The following CSMD1 variants were observed in gnomAD, a reference collection of about 807,000 sequenced individuals.
CSMD1 encodes CUB and sushi domain-containing protein 1.
In CSMD1, 213 loss-of-function variants were observed where a neutral mutation model predicts 417.5. The ratio of observed to expected loss-of-function variants is 0.51; its 90% CI spans 0.46 to 0.57. CSMD1 has a LOEUF of 0.57. CSMD1 is among the 20% of genes least tolerant of loss of function. The pLI, the probability that CSMD1 is intolerant of heterozygous loss-of-function variation, is 0.00. For synonymous variants in CSMD1, 2,862 were observed against 1,736.8 expected, an observed-to-expected ratio of 1.65 and a Z score of -16.11; for missense variants, 6,923 against 4,529.7, an observed-to-expected ratio of 1.53 and a Z score of -15.17.
chr8:4,832,184 G>A (rs1800193880), intron 1 of CSMD1, among the ~76,000 whole-genome samples: 1 of 152,190 alleles, frequency 6.6e-6, no homozygotes, highest in Non-Finnish European at 1.5e-5. Flanking sequence ...AAACATGCAT[G>A]GAACGCCCTG....
chr8:3,498,661 C>G (rs1253310108), intron 10 of CSMD1, among the ~76,000 whole-genome samples: 1 of 152,160 alleles, frequency 6.6e-6, no homozygotes, highest in Non-Finnish European at 1.5e-5. Context: ...GCATTTTGTT[C>G]CACACATTTT....
chr8:4,052,447 G>T (rs957847854), intron 3 of CSMD1, among the ~76,000 whole-genome samples: 5 of 152,176 alleles, frequency 3.3e-5, no homozygotes, highest in Admixed American at 6.5e-5. Context: ...AGTGAGGGGT[G>T]ATTTTGCCCA....
At chr8:3,593,192 C>A (rs906427190) in intron 8 of CSMD1, among the ~76,000 whole-genome samples, 11 of 152,186 alleles carry the variant, frequency 7.2e-5, no homozygotes, top group African/African-American at 2.7e-4. Flanking sequence ...CATGTTTCCC[C>A]ACCATACTTG....
intron 2 of CSMD1, among the ~76,000 whole-genome samples, chr8:4,484,083 A>T (rs1310047338): frequency 6.6e-6 from 1 of 152,018 alleles, no homozygotes; most frequent in Non-Finnish European, 1.5e-5. Flanking sequence ...TCAAAATGAA[A>T]GGGTGTCTGT....
At chr8:3,856,218 A>C (rs7010311) in intron 5 of CSMD1, among the ~76,000 whole-genome samples, 65,179 of 151,708 alleles carry the variant, frequency 0.43, 16,954 homozygotes, top group African/African-American at 0.73. Flanking sequence ...GTTCTCATAA[A>C]AGCTGTTTGT....
At chr8:2,954,318 A>T in intron 64 of CSMD1, 50 bp from the exon 65 acceptor site, 1 of 1,174,054 alleles carries the variant, frequency 8.5e-7, no homozygotes, top group Non-Finnish European at 1.2e-6. Flanking sequence ...TTTATTTTTG[A>T]GTAAGTTTGA....
At chr8:3,980,774 A>T (rs1273856837) in intron 5 of CSMD1, among the ~76,000 whole-genome samples, 1 of 152,196 alleles carries the variant, frequency 6.6e-6, no homozygotes, top group Non-Finnish European at 1.5e-5. Context: ...TGCAGGCGAC[A>T]TTCTCACTTA....
chr8:4,319,814 A>G (rs916187278), intron 3 of CSMD1, among the ~76,000 whole-genome samples: 1 of 152,160 alleles, frequency 6.6e-6, no homozygotes, highest in African/African-American at 2.4e-5. Flanking sequence ...AGATGTGTAG[A>G]GGACCCTCGG....
At position 4,797,265 on chromosome 8, in the gene CSMD1, A is replaced by C. The variant is rs568239184; in HGVS notation, c.86-159707T>G. On this transcript the variant is annotated intron_variant, in intron 1 of 69. Transcript: ENST00000635120. Reference sequence around the variant, plus strand: ...TCCTTTACTATGCATGGTGAGTTTTAACTGTTTTGAAAACTATGTTTTAAA... The same window carrying C: ...TCCTTTACTATGCATGGTGAGTTTTCACTGTTTTGAAAACTATGTTTTAAA... Among the ~76,000 whole-genome samples, 3 of 152,278 alleles carry C rather than the reference A, an allele frequency of 2.0e-5. No homozygotes were observed. In the South Asian group the frequency reaches 6.2e-4, roughly 32 times the overall value.
At chr8:3,536,396 G>T (rs955166302) in intron 10 of CSMD1, among the ~76,000 whole-genome samples, 1 of 152,226 alleles carries the variant, frequency 6.6e-6, no homozygotes, top group African/African-American at 2.4e-5. Flanking sequence ...TCTACTACGT[G>T]CAACTGTAGA....
chr8:4,203,846 T>C (rs1037755935), intron 3 of CSMD1, among the ~76,000 whole-genome samples: 2 of 152,170 alleles, frequency 1.3e-5, no homozygotes, highest in Admixed American at 6.5e-5. Flanking sequence ...ATACCTGTAA[T>C]CCCAGCACTT....
chr8:4,632,580 A>G (rs1042875165), intron 2 of CSMD1, among the ~76,000 whole-genome samples: 6 of 152,202 alleles, frequency 3.9e-5, no homozygotes, highest in African/African-American at 1.4e-4. Flanking sequence ...TTCAGGGCAC[A>G]TTTCTTAGCC....
At chr8:4,010,106 C>T (rs1183702596) in intron 4 of CSMD1, among the ~76,000 whole-genome samples, 1 of 152,148 alleles carries the variant, frequency 6.6e-6, no homozygotes, top group Non-Finnish European at 1.5e-5. Flanking sequence ...TTTTCCTTCC[C>T]TTCTTCCTCT....
intron 2 of CSMD1, among the ~76,000 whole-genome samples, chr8:4,430,540 A>T (rs1797817709): frequency 6.6e-6 from 1 of 152,020 alleles, no homozygotes. Flanking sequence ...GATAGACACT[A>T]CTCTCTAATA....
intron 54 of CSMD1, among the ~76,000 whole-genome samples, chr8:2,995,605 C>T (rs1004415366): frequency 2.0e-5 from 3 of 152,124 alleles, no homozygotes; most frequent in South Asian, 2.1e-4. Flanking sequence ...CATAACAGCT[C>T]GTAGCAGCAT....
At chr8:4,420,106 G>T in intron 2 of CSMD1, 41 bp from the exon 3 acceptor site, 1 of 1,424,804 alleles carries the variant, frequency 7.0e-7, no homozygotes, top group South Asian at 1.2e-5. Context: ...TTAAAAGCAT[G>T]AATTTGTCAA....
At chr8:3,943,849 C>A (rs530034999) in intron 5 of CSMD1, among the ~76,000 whole-genome samples, 1 of 152,058 alleles carries the variant, frequency 6.6e-6, no homozygotes, top group Non-Finnish European at 1.5e-5. Flanking sequence ...AAAAAATTGC[C>A]GTTTCCTATT....
rs1563361605 is a variant in CSMD1, at chr8:3,411,882, A to ACATGCACGTATACATGCACGTATACATG, written c.1562-2278_1562-2277insCATGTATACGTGCATGTATACGTGCATG. ...TGCACGTATATATGCACGTATATATACACGTATATATGCACGTATATATAC... is the reference window on the plus strand; with the variant it reads ...TGCACGTATATATGCACGTATATATACATGCACGTATACATGCACGTATACATGCACGTATATATGCACGTATATATAC... On this transcript the variant is annotated intron_variant, in intron 12 of 69. Transcript: ENST00000635120. Among the ~76,000 whole-genome samples, 19 of 46,360 alleles carry ACATGCACGTATACATGCACGTATACATG rather than the reference A, an allele frequency of 4.1e-4. 2 individuals are homozygous for ACATGCACGTATACATGCACGTATACATG. Among genetic ancestry groups the ACATGCACGTATACATGCACGTATACATG allele is most frequent in the Admixed American group, 1.3e-3 (6 of 4,502 alleles). The allele number at this position is 46,360 out of a possible 152,430, so 30.4% of individuals were successfully genotyped here.
In CSMD1 at chr8:3,134,423, G is replaced by A. The variant is rs189484485; in HGVS notation, c.6241+8042C>T. On this transcript the variant is annotated intron_variant, in intron 41 of 69. Transcript: ENST00000635120. ...TGCGCTGCAAGTCCTTGTGGAGAAC[G>A]TTTGACTCTCAGGGTTTTGGCGAGG... Among the ~76,000 whole-genome samples, 55 of 152,266 alleles carry A rather than the reference G, an allele frequency of 3.6e-4. 1 individual carries two copies. The highest frequency in any genetic ancestry group is 1.0e-3 in the African/African-American group (43 of 41,554).
Sources: gnomAD v4.1 joint callset for allele counts (sites outside exome capture counted in the v4.1 genomes callset) on GRCh38, gnomAD v4.1.1 for gene constraint, MANE v1.5 for transcripts, NCBI Gene and HGNC (gene_info 2026-07-23, HGNC 2026-07-21) for gene names.